The following RIN3 variants were observed in gnomAD, a reference collection of about 807,000 sequenced individuals.
RIN3 encodes Ras and Rab interactor 3, also known as RAB5 interacting protein 3.
RIN3 carries 54 observed loss-of-function variants against 76.3 expected under a neutral mutation model. That is an observed-to-expected ratio of 0.71 (90% CI 0.57 to 0.89). The LOEUF (loss-of-function observed/expected upper bound fraction) is 0.89, where lower values mean the gene tolerates loss of function less well. RIN3 is among the 40% of genes least tolerant of loss of function. The pLI, the probability that RIN3 is intolerant of heterozygous loss-of-function variation, is 0.00. For synonymous variants in RIN3, 576 were observed against 564.0 expected, an observed-to-expected ratio of 1.02 and a Z score of -0.30; for missense variants, 1,256 against 1,322.1, an observed-to-expected ratio of 0.95 and a Z score of 0.78.
At chr14:92,631,122 A>G (rs1209387948) in intron 4 of RIN3, among the ~76,000 whole-genome samples, 1 of 152,162 alleles carries the variant, frequency 6.6e-6, no homozygotes, top group Non-Finnish European at 1.5e-5. Context: ...TTAGTTAGAC[A>G]TGTGTCCCCA....
At chr14:92,582,257 G>A (rs1168676210) in intron 3 of RIN3, among the ~76,000 whole-genome samples, 2 of 152,130 alleles carry the variant, frequency 1.3e-5, no homozygotes, top group East Asian at 1.9e-4. Context: ...GGGCCGTGTG[G>A]CCGAATCTCA....
Position 92,659,115 on chromosome 14 carries a change from T to A in RIN3, c.2027-46T>A. The A allele has an allele frequency of 3.2e-6, 5 of 1,580,320 alleles. No homozygotes were observed. In the South Asian group the frequency reaches 5.6e-5, roughly 18 times the overall value. On this transcript the variant is annotated intron_variant, in intron 6 of 9. Transcript: ENST00000216487. ...TGGGCAACAGAACCAGGTGGCAGGA[T>A]CCCTGCATCTGGTTTCCTCACCCTC...
At chr14:92,617,301 A>G (rs985915398) in intron 4 of RIN3, among the ~76,000 whole-genome samples, 1 of 150,824 alleles carries the variant, frequency 6.6e-6, no homozygotes, top group South Asian at 2.1e-4. Flanking sequence ...ACTCCATCTC[A>G]AAAAAAAAAC....
intron 3 of RIN3, among the ~76,000 whole-genome samples, chr14:92,610,549 A>G (rs1382650826): frequency 2.0e-5 from 3 of 152,218 alleles, no homozygotes; most frequent in Non-Finnish European, 4.4e-5. Context: ...CTCTCACAGT[A>G]AAACACATGG....
intron 7 of RIN3, among the ~76,000 whole-genome samples, chr14:92,668,657 G>A (rs148122930): frequency 1.2e-3 from 185 of 152,304 alleles, no homozygotes; most frequent in African/African-American, 4.1e-3. Flanking sequence ...TTTCTCTGCC[G>A]AGGCTTCAGT....
chr14:92,521,919 C>T (rs1274954716), intron 1 of RIN3, among the ~76,000 whole-genome samples: 2 of 152,090 alleles, frequency 1.3e-5, no homozygotes, highest in African/African-American at 4.8e-5. Context: ...TTGAAAGATA[C>T]GTAGGATTTT....
intron 4 of RIN3, among the ~76,000 whole-genome samples, chr14:92,624,898 C>A (rs1052702264): frequency 6.6e-6 from 1 of 152,154 alleles, no homozygotes; most frequent in African/African-American, 2.4e-5. Context: ...CTCGGCAGTT[C>A]AGACTGCAGT....
Position 92,513,965 on chromosome 14 carries a change from G to T in RIN3, c.33G>T (p.Gly11=). The T allele has an allele frequency of 8.0e-7, 1 of 1,245,282 alleles. No homozygotes were observed. The highest frequency in any genetic ancestry group is 1.0e-6 in the Non-Finnish European group (1 of 994,732). The allele number at this position is 1,245,282 out of a possible 1,614,324, so 77.1% of individuals were successfully genotyped here. MIRHAGAPAR[G]DPTGPVPVVG... Reference sequence around the variant, plus strand: ...GACACGCCGGGGCGCCCGCGCGCGGGGACCCCACGGGGTAAGTCCGGGCGG... The same window carrying T: ...GACACGCCGGGGCGCCCGCGCGCGGTGACCCCACGGGGTAAGTCCGGGCGG... Residue 11 remains glycine (G), a synonymous_variant, in exon 1 of 10, where the codon GGG becomes GGT. Coordinates refer to ENST00000216487, the MANE Select transcript of RIN3 (RefSeq NM_024832.5).
chr14:92,657,891 GC>G (rs1157092254), intron 6 of RIN3, among the ~76,000 whole-genome samples: 2 of 152,214 alleles, frequency 1.3e-5, no homozygotes, highest in Non-Finnish European at 2.9e-5. Context: ...TTGAGACCCA[GC>G]CCCGTGGGAG....
At chr14:92,576,551 G>C (rs1347635708) in intron 2 of RIN3, among the ~76,000 whole-genome samples, 1 of 152,192 alleles carries the variant, frequency 6.6e-6, no homozygotes, top group Non-Finnish European at 1.5e-5. Flanking sequence ...AGTGTCCGGG[G>C]GCCGAATCCA....
intron 4 of RIN3, among the ~76,000 whole-genome samples, chr14:92,619,798 T>C (rs1886110690): frequency 6.6e-6 from 1 of 152,176 alleles, no homozygotes; most frequent in Non-Finnish European, 1.5e-5. Flanking sequence ...TCTGATAAAG[T>C]TTGACTGTTT....
chr14:92,608,281 G>A (rs1885601712), intron 3 of RIN3, among the ~76,000 whole-genome samples: 1 of 151,128 alleles, frequency 6.6e-6, no homozygotes, highest in African/African-American at 2.4e-5. Context: ...ACTGGGTGAA[G>A]GGTACACAGG....
At chr14:92,678,543 C>T (rs980939493) in intron 8 of RIN3, among the ~76,000 whole-genome samples, 1 of 144,032 alleles carries the variant, frequency 6.9e-6, no homozygotes, top group African/African-American at 2.5e-5. Flanking sequence ...CACATATTCA[C>T]TCATGCACCC....
chr14:92,681,266 AT>A lies in RIN3; in HGVS notation c.2468-3718del, dbSNP rs1888651742. On this transcript the variant is annotated intron_variant, in intron 8 of 9. Coordinates refer to ENST00000216487, the MANE Select transcript of RIN3 (RefSeq NM_024832.5). The surrounding 1 kb of genome is among the most constrained non-coding windows in gnomAD (Gnocchi z 4.7). ...CTGCCACCTAGTGGCCCTGGCAGGCATTTCATGGCCCCAAGTCAAAGAGGAA... is the reference window on the plus strand; with the variant it reads ...CTGCCACCTAGTGGCCCTGGCAGGCATTCATGGCCCCAAGTCAAAGAGGAA... Among the ~76,000 whole-genome samples the A allele has an allele frequency of 6.6e-6, 1 of 152,074 alleles. No individual in the cohort carries two copies. The highest frequency in any genetic ancestry group is 2.4e-5 in the African/African-American group (1 of 41,366).
At chr14:92,539,501 C>G (rs1897084762) in intron 1 of RIN3, among the ~76,000 whole-genome samples, 1 of 152,176 alleles carries the variant, frequency 6.6e-6, no homozygotes, top group Non-Finnish European at 1.5e-5. Flanking sequence ...CTGCCTGGTT[C>G]TCAAGCCCAT....
At chr14:92,635,717 G>A (rs559254729) in intron 4 of RIN3, among the ~76,000 whole-genome samples, 220 of 152,192 alleles carry the variant, frequency 1.4e-3, no homozygotes, top group African/African-American at 4.7e-3. Context: ...GCTGGGCATG[G>A]TGGTGCACAC....
chr14:92,635,021 C>A (rs1001608684), intron 4 of RIN3, among the ~76,000 whole-genome samples: 5 of 152,204 alleles, frequency 3.3e-5, no homozygotes, highest in African/African-American at 1.2e-4. Flanking sequence ...GAGTCCCTCA[C>A]AAGTGTCTAG....
chr14:92,608,541 A>AT (rs33922410), intron 3 of RIN3, among the ~76,000 whole-genome samples: 61,230 of 148,294 alleles, frequency 0.41, 13,558 homozygotes, highest in Admixed American at 0.55. Flanking sequence ...CTTTTTTAGC[A>AT]TTTTTTTTTT....
intron 5 of RIN3, 133 bp downstream of exon 5, chr14:92,641,462 T>C (rs1887011701): frequency 1.5e-6 from 1 of 657,600 alleles, no homozygotes; most frequent in Non-Finnish European, 2.7e-6. Context: ...CACCCCTGCC[T>C]CAGGCTGCTG....
Sources: gnomAD v4.1 joint callset for allele counts (sites outside exome capture counted in the v4.1 genomes callset) on GRCh38, gnomAD v4.1.1 for gene constraint, Gnocchi (gnomAD v3.1) non-coding constraint, MANE v1.5 for transcripts, NCBI Gene and HGNC (gene_info 2026-07-23, HGNC 2026-07-21) for gene names.